XDH: variants seen among roughly 807,000 people sequenced by gnomAD.
XDH encodes the protein xanthine dehydrogenase, also known as xanthine dehydrogenase/oxidase.
A neutral mutation model predicts 156.1 loss-of-function variants in XDH; 138 were observed. The observed-to-expected ratio is 0.88, with a 90% CI of 0.77 to 1.02. XDH has a LOEUF of 1.02. XDH is among the 50% of genes least tolerant of loss of function. The pLI is 0.00. For missense variants in XDH, 1,849 were observed against 1,684.9 expected (o/e 1.10, Z -1.71); for synonymous variants, 669 against 625.7 (o/e 1.07, Z -1.03).
At chr2:31,358,337 T>C (rs114248970) in intron 24 of XDH, among the ~76,000 whole-genome samples, 3,337 of 152,220 alleles carry the variant, frequency 0.022, 52 homozygotes, top group Middle Eastern at 0.061. Flanking sequence ...CTACCAAACA[T>C]TTAAAGAAGA....
At position 31,403,151 on chromosome 2, in the gene XDH, G is replaced by A. The variant is rs113007282; in HGVS notation, c.101-7C>T. 186 of 1,614,032 alleles carry A rather than the reference G, an allele frequency of 1.2e-4. No homozygotes were observed. In the African/African-American group the frequency reaches 2.2e-3, roughly 19 times the overall value. On this transcript the variant is annotated splice_region_variant and splice_polypyrimidine_tract_variant and intron_variant, in intron 2 of 35. Transcript: ENST00000379416. ...TTGGTTCCACTCAGCCCCACTGGGT[G>A]GTCAAGAGTTAAGGAGAATGAACTC...
chr2:31,399,992 C>A (rs927399271), intron 4 of XDH, among the ~76,000 whole-genome samples: 4 of 152,152 alleles, frequency 2.6e-5, no homozygotes, highest in African/African-American at 9.7e-5. Context: ...CCTTAATTAA[C>A]CCTCTCACGT....
In XDH at chr2:31,398,609, C is replaced by A; in HGVS notation, c.397G>T (p.Glu133Ter). The change falls in exon 5 of 36, where the codon GAG becomes TAG. Residue 133 changes from glutamate to a stop codon, truncating the protein, a stop_gained. Coordinates refer to ENST00000379416, the MANE Select transcript of XDH (RefSeq NM_000379.4). LOFTEE classifies it high-confidence loss of function. ...TTCTCAATCTCCTCCATGGTGGGCT[C>A]GGGCTGATTCCGGAGCAGTGTGTAC... ...SMYTLLRNQP[E>*]PTMEEIENAF... The A allele has an allele frequency of 6.2e-7, 1 of 1,614,108 alleles. No individual in the cohort carries two copies. The highest frequency in any genetic ancestry group is 8.5e-7 in the Non-Finnish European group (1 of 1,179,984).
chr2:31,365,136 T>G (rs1027593192), intron 23 of XDH, among the ~76,000 whole-genome samples: 1 of 152,222 alleles, frequency 6.6e-6, no homozygotes, highest in Non-Finnish European at 1.5e-5. Flanking sequence ...CCTGTGATCA[T>G]GTTAATGTTG....
At chr2:31,347,455 G>C (rs1216338041) in intron 29 of XDH, 67 bp downstream of exon 29, 23 of 1,609,364 alleles carry the variant, frequency 1.4e-5, no homozygotes, top group Non-Finnish European at 2.0e-5. Flanking sequence ...CTCCCACCCA[G>C]GGAGACTCTC....
Position 31,388,188 on chromosome 2 carries a change from A to T in XDH, c.564+39T>A, listed in dbSNP as rs45519736. ...GTGCACTGACTCCTCTAAGTCTCAG[A>T]TTACCCCCAGGCTTCCAGGGGGAGA... On this transcript the variant is annotated intron_variant, in intron 7 of 35. Transcript: ENST00000379416. 0.012 allele frequency: 19,772 copies of T among 1,605,866 alleles called. 220 individuals carry two copies. The highest frequency in any genetic ancestry group is 0.041 in the South Asian group (3,703 of 90,898).
chr2:31,366,839 A>T (rs767124033), intron 21 of XDH, 31 bp downstream of exon 21: 24 of 1,613,416 alleles, frequency 1.5e-5, no homozygotes, highest in Non-Finnish European at 5.9e-6. Context: ...CTACCCTGAC[A>T]GCCCCTTGAG....
intron 31 of XDH, among the ~76,000 whole-genome samples, chr2:31,343,308 A>ATATATATATATATGCATGTT (rs1553411639): frequency 4.7e-4 from 46 of 98,460 alleles, no homozygotes; most frequent in East Asian, 3.4e-3. Context: ...ATATATATAT[A>ATATATATATATATGCATGTT]TATATATATA....
chr2:31,334,705 C>T lies in XDH; in HGVS notation c.*1253G>A, dbSNP rs1430336804. The T allele has an allele frequency of 6.6e-6, 1 of 152,042 alleles. No homozygotes were observed. The highest frequency in any genetic ancestry group is 2.4e-5 in the African/African-American group (1 of 41,390). The allele number at this position is 152,042 out of a possible 1,614,324, so 9.4% of individuals were successfully genotyped here. On this transcript the variant is annotated 3_prime_UTR_variant, in exon 36 of 36. Coordinates refer to ENST00000379416, the MANE Select transcript of XDH (RefSeq NM_000379.4). ...TTTAAAGCAGAAGACGTGAGACAAC[C>T]CTTTACTGCAACCCTTATGTTTGCA... is the stretch of plus-strand genomic sequence containing the variant.
At chr2:31,350,264 G>C in intron 24 of XDH, 41 bp from the exon 25 acceptor site, 2 of 1,593,094 alleles carry the variant, frequency 1.3e-6, no homozygotes, top group East Asian at 4.6e-5. Context: ...ACAGTGTACT[G>C]ATTGCATTGG....
chr2:31,401,236 C>G lies in XDH; in HGVS notation c.290G>C (p.Arg97Thr). The change falls in exon 4 of 36, where the codon AGG (arginine) becomes ACG (threonine). Residue 97 changes from arginine (R) to threonine (T), a missense_variant. Coordinates refer to ENST00000379416, the MANE Select transcript of XDH (RefSeq NM_000379.4). ...TCTGTTTACCTGCACAGGATGCAGC[C>G]TCGTCTTGGTGCTTCCTATTCCTTC... is the stretch of plus-strand genomic sequence containing the variant. ...TVEGIGSTKT[R>T]LHPVQERIAK... 1.2e-6 allele frequency: 2 copies of G among 1,614,200 alleles called. No individual in the cohort carries two copies. The highest frequency in any genetic ancestry group is 2.2e-5 in the South Asian group (2 of 91,078).
chr2:31,370,153 A>G (rs748445237), intron 18 of XDH, among the ~76,000 whole-genome samples: 3 of 152,220 alleles, frequency 2.0e-5, no homozygotes, highest in Non-Finnish European at 2.9e-5. Flanking sequence ...ACATCCTGCC[A>G]TGTACAAACA....
chr2:31,342,334 A>T, intron 31 of XDH, 37 bp from the exon 32 acceptor site: 1 of 1,539,976 alleles, frequency 6.5e-7, no homozygotes, highest in Non-Finnish European at 9.0e-7. Context: ...ACATGTATTA[A>T]CATGAACACA....
intron 16 of XDH, 99 bp downstream of exon 16, chr2:31,373,774 T>A (rs1321721838): frequency 1.7e-6 from 2 of 1,174,056 alleles, no homozygotes; most frequent in Admixed American, 1.9e-5. Flanking sequence ...TATGGACCTA[T>A]ATACAATTCA....
At chr2:31,376,048 A>T (rs1037268389) in intron 14 of XDH, among the ~76,000 whole-genome samples, 1 of 152,174 alleles carries the variant, frequency 6.6e-6, no homozygotes, top group South Asian at 2.1e-4. Flanking sequence ...TCCTAGGATA[A>T]TGTTAGTGAA....
chr2:31,354,952 G>C (rs1685586545), intron 24 of XDH, among the ~76,000 whole-genome samples: 1 of 152,126 alleles, frequency 6.6e-6, no homozygotes, highest in Admixed American at 6.5e-5. Flanking sequence ...CTTAAAACAG[G>C]ATAAGCCTGA....
intron 23 of XDH, 124 bp from the exon 24 acceptor site, chr2:31,364,368 C>T (rs1466261260): frequency 5.0e-6 from 5 of 1,003,140 alleles, no homozygotes; most frequent in Non-Finnish European, 7.7e-6. Context: ...CACATCATCC[C>T]GTGAAAAAAA....
intron 1 of XDH, 113 bp downstream of exon 1, chr2:31,414,512 A>T: frequency 6.8e-7 from 1 of 1,462,366 alleles, no homozygotes; most frequent in Non-Finnish European, 9.6e-7. Context: ...AGAGAAAGAC[A>T]GAACAAGTAA....
At chr2:31,375,602 A>T (rs1686224865) in intron 14 of XDH, 48 bp from the exon 15 acceptor site, 2 of 1,596,984 alleles carry the variant, frequency 1.3e-6, no homozygotes, top group Non-Finnish European at 1.7e-6. Context: ...AGCCCTCCAG[A>T]CCCCTTTGTG....
Sources: allele counts gnomAD v4.1 joint callset (sites outside exome capture counted in the v4.1 genomes callset), GRCh38; gene constraint gnomAD v4.1.1; transcripts MANE v1.5; gene names NCBI Gene and HGNC (gene_info 2026-07-23, HGNC 2026-07-21).